Variants in ELAPOR1 observed in about 807,000 individuals in gnomAD.
The protein encoded by ELAPOR1 is endosome-lysosome associated apoptosis and autophagy regulator 1, also known as endosome/lysosome-associated apoptosis and autophagy regulator 1.
In ELAPOR1, 77 loss-of-function variants were observed where a neutral mutation model predicts 119.7. The ratio of observed to expected loss-of-function variants is 0.64; its 90% CI spans 0.54 to 0.78. The LOEUF (loss-of-function observed/expected upper bound fraction) is 0.78. Ranked by LOEUF, ELAPOR1 falls within the 30% of genes least tolerant of loss-of-function variation. ELAPOR1 has a pLI of 0.00. For synonymous variants in ELAPOR1, 481 were observed against 487.2 expected (o/e 0.99, Z 0.17); for missense variants, 1,115 against 1,270.4 (o/e 0.88, Z 1.86).
At chr1:109,181,220 A>G (rs1652675204) in intron 7 of ELAPOR1, among the ~76,000 whole-genome samples, 1 of 152,158 alleles carries the variant, frequency 6.6e-6, no homozygotes, top group Admixed American at 6.5e-5. Context: ...ACTTTGATAA[A>G]ACAGATCCCA....
chr1:109,147,209 C>T (rs1371590126), intron 1 of ELAPOR1, among the ~76,000 whole-genome samples: 2 of 152,056 alleles, frequency 1.3e-5, no homozygotes, highest in Non-Finnish European at 1.5e-5. Flanking sequence ...AGCCACCACG[C>T]CTGGCCTATT....
intron 7 of ELAPOR1, among the ~76,000 whole-genome samples, chr1:109,177,244 C>G (rs1558053092): frequency 6.7e-6 from 1 of 149,402 alleles, no homozygotes; most frequent in Non-Finnish European, 1.5e-5. Context: ...GCTGACCCCC[C>G]CACCTCCCTC....
chr1:109,116,971 G>T (rs148393430), intron 1 of ELAPOR1, among the ~76,000 whole-genome samples: 1 of 152,208 alleles, frequency 6.6e-6, no homozygotes, highest in Non-Finnish European at 1.5e-5. Context: ...GACTGCAGGC[G>T]TGAGTCACTG....
intron 3 of ELAPOR1, 83 bp downstream of exon 3, chr1:109,164,774 C>T: frequency 7.4e-7 from 1 of 1,345,876 alleles, no homozygotes; most frequent in African/African-American, 1.5e-5. Flanking sequence ...CCTCCGCTGC[C>T]CCTCAGGCTG....
chr1:109,159,787 G>A (rs149978023), intron 1 of ELAPOR1, among the ~76,000 whole-genome samples: 72 of 152,282 alleles, frequency 4.7e-4, no homozygotes, highest in African/African-American at 1.7e-3. Flanking sequence ...AAGATGAAAC[G>A]AGATGGTATT....
At chr1:109,174,445 A>AAAAAAAAC (rs1652129184) in intron 7 of ELAPOR1, among the ~76,000 whole-genome samples, 1 of 133,832 alleles carries the variant, frequency 7.5e-6, no homozygotes, top group Non-Finnish European at 1.6e-5. Flanking sequence ...AAAAAAAAAA[A>AAAAAAAAC]AAATCATTCA....
chr1:109,119,863 G>A lies in ELAPOR1; in HGVS notation c.153+5527G>A, dbSNP rs371995501. On this transcript the variant is annotated intron_variant, in intron 1 of 21. Transcript: ENST00000369939. ...AGTGGGGTGCTGGGTTGTGGGTTGT[G>A]TATAGATTCATCTTTACAGGAGAAT... is the stretch of plus-strand genomic sequence containing the variant. Among the ~76,000 whole-genome samples the A allele has an allele frequency of 5.3e-5, 8 of 152,288 alleles. No homozygotes were observed. In the South Asian group the frequency reaches 8.3e-4, roughly 16 times the overall value.
chr1:109,116,705 G>C (rs1648032619), intron 1 of ELAPOR1, among the ~76,000 whole-genome samples: 2 of 119,454 alleles, frequency 1.7e-5, no homozygotes, highest in South Asian at 2.6e-4. Context: ...TTTTTTTGGT[G>C]AGACAGAGTC....
chr1:109,150,417 A>AT (rs1650457337), intron 1 of ELAPOR1, among the ~76,000 whole-genome samples: 1 of 152,130 alleles, frequency 6.6e-6, no homozygotes, highest in Non-Finnish European at 1.5e-5. Context: ...CGGTCCAGGG[A>AT]TTGAGGACGG....
intron 1 of ELAPOR1, among the ~76,000 whole-genome samples, chr1:109,149,317 T>A (rs970649313): frequency 2.0e-5 from 3 of 151,872 alleles, no homozygotes; most frequent in African/African-American, 7.3e-5. Context: ...TTTTTTTTTT[T>A]AACCAGTTTA....
At position 109,195,408 on chromosome 1, in the gene ELAPOR1, G is replaced by A. The variant is rs548309177; in HGVS notation, c.2121+814G>A. ...ACTCAGGAGGCTGAGGCAGGACAAT[G>A]GCATAAACCTGGCAGGCGGAGCTTG... On this transcript the variant is annotated intron_variant, in intron 15 of 21. Transcript: ENST00000369939. Among the ~76,000 whole-genome samples, 22 of 151,972 alleles carry A rather than the reference G, an allele frequency of 1.4e-4. No homozygotes were observed. In the East Asian group the frequency reaches 3.9e-3, roughly 27 times the overall value.
Position 109,115,094 on chromosome 1 carries a change from A to G in ELAPOR1, c.153+758A>G, listed in dbSNP as rs145452163. Among the ~76,000 whole-genome samples the G allele has an allele frequency of 3.8e-3, 573 of 152,340 alleles. 18 individuals are homozygous for G. The highest frequency in any genetic ancestry group is 0.036 in the Admixed American group (546 of 15,302). ...ATATGTTGGAAGCAGAATTCAGACA[A>G]TAGGTAGTCAATCTCTTATAACCAA... On this transcript the variant is annotated intron_variant, in intron 1 of 21. Coordinates refer to ENST00000369939, the MANE Select transcript of ELAPOR1 (RefSeq NM_020775.5).
chr1:109,179,517 CTGAG>C (rs1232799122), intron 7 of ELAPOR1, among the ~76,000 whole-genome samples: 2 of 151,874 alleles, frequency 1.3e-5, no homozygotes, highest in Non-Finnish European at 2.9e-5. Context: ...GCATCTAAGG[CTGAG>C]AAGCAGGCCG....
intron 1 of ELAPOR1, among the ~76,000 whole-genome samples, chr1:109,158,309 CTTTTTT>C (rs386368020): frequency 3.0e-5 from 4 of 131,640 alleles, no homozygotes; most frequent in African/African-American, 5.5e-5. Context: ...TGACAGTTTT[CTTTTTT>C]TTTTTTTTTT....
At position 109,189,653 on chromosome 1, in the gene ELAPOR1, G is replaced by T. The variant is rs955837067; in HGVS notation, c.1410G>T (p.Met470Ile). ...TAAGASDNDF[M>I]ILTLVVPGFR... ...CTGGAGCCTCAGACAATGACTTCAT[G>T]ATTCTCACTCTGGTTGTGCCAGGAT... Residue 470 changes from methionine (M) to isoleucine (I), a missense_variant, in exon 11 of 22, where the codon ATG (methionine) becomes ATT (isoleucine). Met to Ile is a conservative substitution (Grantham distance 10). Coordinates refer to ENST00000369939, the MANE Select transcript of ELAPOR1 (RefSeq NM_020775.5). The T allele has an allele frequency of 6.2e-7, 1 of 1,614,144 alleles. No individual in the cohort carries two copies. Among genetic ancestry groups the T allele is most frequent in the South Asian group, 1.1e-5 (1 of 91,074 alleles).
Position 109,198,578 on chromosome 1 carries a change from A to G in ELAPOR1, c.2405A>G (p.Asn802Ser), listed in dbSNP as rs1342422383. Residue 802 changes from asparagine to serine, a missense_variant, in exon 18 of 22, where the codon AAT (asparagine) becomes AGT (serine). Transcript: ENST00000369939. ...IPDVIFFYRS[N>S]DVTQSCSSGR... ...GGGGCTGGCTTTCTCTGCAGGTCCA[A>G]TGATGTGACCCAGTCCTGCAGTTCT... 1.2e-6 allele frequency: 2 copies of G among 1,613,262 alleles called. No individual in the cohort carries two copies. Among genetic ancestry groups the G allele is most frequent in the Admixed American group, 3.3e-5 (2 of 59,926 alleles).
intron 15 of ELAPOR1, among the ~76,000 whole-genome samples, chr1:109,195,723 T>C (rs1427574852): frequency 6.6e-6 from 1 of 152,216 alleles, no homozygotes; most frequent in East Asian, 1.9e-4. Flanking sequence ...TAAGGAAAGA[T>C]TGTCACCATC....
chr1:109,187,311 T>G, intron 8 of ELAPOR1: 1 of 985,462 alleles, frequency 1.0e-6, no homozygotes, highest in Non-Finnish European at 1.2e-6. Flanking sequence ...GGGCTCTGGC[T>G]GTCGCAGCCC....
chr1:109,185,296 C>T (rs181108011), intron 8 of ELAPOR1, among the ~76,000 whole-genome samples, 163 bp downstream of exon 8: 21 of 151,972 alleles, frequency 1.4e-4, no homozygotes, highest in South Asian at 6.2e-4. Context: ...GGGGGCAAAA[C>T]GAGACCTCTT....
Sources: allele counts gnomAD v4.1 joint callset (sites outside exome capture counted in the v4.1 genomes callset), GRCh38; gene constraint gnomAD v4.1.1; transcripts MANE v1.5; gene names NCBI Gene and HGNC (gene_info 2026-07-23, HGNC 2026-07-21).